The following TC2N variants were observed in gnomAD, a reference collection of about 807,000 sequenced individuals.
TC2N encodes tandem C2 domains nuclear protein.
Under a neutral mutation model 61.9 loss-of-function variants are expected in TC2N, and 51 were observed. The observed-to-expected ratio is 0.82, with a 90% CI of 0.66 to 1.04. TC2N has a LOEUF of 1.04. Ranked by LOEUF, TC2N falls within the 50% of genes least tolerant of loss-of-function variation. The probability of loss-of-function intolerance (pLI) is 0.00; values close to 1 mark genes in which losing one functional copy is unlikely to be tolerated. For synonymous variants in TC2N, 204 were observed against 192.6 expected, an observed-to-expected ratio of 1.06 and a Z score of -0.49; for missense variants, 556 against 566.7, an observed-to-expected ratio of 0.98 and a Z score of 0.19.
chr14:91,797,324 T>C lies in TC2N; in HGVS notation c.855+461A>G, dbSNP rs78435768. Among the ~76,000 whole-genome samples, 739 of 152,092 alleles carry C rather than the reference T, an allele frequency of 4.9e-3. 26 individuals carry two copies. The South Asian group carries it at 0.079, about 16-fold the overall frequency. On this transcript the variant is annotated intron_variant, in intron 8 of 11. Transcript: ENST00000435962. ...AGAAAAACAATAATCTTTTAACCTA[T>C]AAAAAGTGACAGAAATGAAGATGTA...
At position 91,830,167 on chromosome 14, in the gene TC2N, T is replaced by C. The variant is rs117546289; in HGVS notation, c.-56-16342A>G. 9.1e-3 allele frequency among the ~76,000 whole-genome samples: 1,387 copies of C among 152,296 alleles called. 9 individuals are homozygous for C. Among genetic ancestry groups the C allele is most frequent in the Non-Finnish European group, 0.015 (1,020 of 68,010 alleles). On this transcript the variant is annotated intron_variant, in intron 1 of 11. Coordinates refer to ENST00000435962, the MANE Select transcript of TC2N (RefSeq NM_001128596.3). ...TCAAACACTTCACACAGAGCTACCA[T>C]ATGACCCAGGAATTCTAATCCTAAG...
chr14:91,865,380 T>G (rs930109231), intron 1 of TC2N, among the ~76,000 whole-genome samples: 2 of 146,522 alleles, frequency 1.4e-5, no homozygotes, highest in East Asian at 2.0e-4. Flanking sequence ...TTTTTTTTTT[T>G]TTTTTTTTTT....
At chr14:91,838,735 TTCTTCCCTAGTCCA>T (rs1368703170) in intron 1 of TC2N, among the ~76,000 whole-genome samples, 1 of 152,238 alleles carries the variant, frequency 6.6e-6, no homozygotes, top group Non-Finnish European at 1.5e-5. Context: ...GTTCCTAGTT[TTCTTCCCTAGTCCA>T]TCTTAAAACA....
intron 3 of TC2N, among the ~76,000 whole-genome samples, chr14:91,803,366 T>C (rs1886350035): frequency 7.1e-6 from 1 of 140,316 alleles, no homozygotes; most frequent in Non-Finnish European, 1.5e-5. Context: ...GCATTAATCA[T>C]ATACATACAT....
At position 91,802,333 on chromosome 14, in the gene TC2N, G is replaced by C; in HGVS notation, c.390C>G (p.Phe130Leu). Residue 130 changes from phenylalanine (F) to leucine (L), a missense_variant, in exon 4 of 12, where the codon TTC becomes TTG. Physicochemically the swap from Phe to Leu is conservative, Grantham distance 22 (BLOSUM62 0). Transcript: ENST00000435962. ...HGPSYDVYNP[F>L]YMYQHISPDL... ...CAGGTGAAATGTGCTGATACATATAGAATGGGTTATACACATCATAGCTAG... is the reference window on the plus strand; with the variant it reads ...CAGGTGAAATGTGCTGATACATATACAATGGGTTATACACATCATAGCTAG... 1.9e-6 allele frequency: 3 copies of C among 1,610,828 alleles called. No homozygotes were observed. Among genetic ancestry groups the C allele is most frequent in the Non-Finnish European group, 2.5e-6 (3 of 1,178,982 alleles).
At chr14:91,829,674 T>G (rs759234372) in intron 1 of TC2N, among the ~76,000 whole-genome samples, 1 of 152,146 alleles carries the variant, frequency 6.6e-6, no homozygotes, top group Non-Finnish European at 1.5e-5. Flanking sequence ...TTTTGTAGGT[T>G]TATTTCGAGG....
chr14:91,791,928 A>G (rs1217135705), intron 9 of TC2N, among the ~76,000 whole-genome samples: 2 of 152,114 alleles, frequency 1.3e-5, no homozygotes, highest in Non-Finnish European at 2.9e-5. Flanking sequence ...CATCCTGGCT[A>G]ACACAGTGAA....
At chr14:91,852,442 T>A (rs1318642710) in intron 1 of TC2N, among the ~76,000 whole-genome samples, 8 of 151,324 alleles carry the variant, frequency 5.3e-5, no homozygotes, top group African/African-American at 1.9e-4. Flanking sequence ...AAAAAAAAAA[T>A]GCTCTGCCTC....
rs572868766 is a variant in TC2N, at chr14:91,847,947, A to G, written c.-57+19315T>C. On this transcript the variant is annotated intron_variant, in intron 1 of 11. Transcript: ENST00000435962. ...ATTATGTAAGTTTCATCCTAAATCTAGTTCCATTTGTGGTTGTAGAATGGC... is the reference window on the plus strand; with the variant it reads ...ATTATGTAAGTTTCATCCTAAATCTGGTTCCATTTGTGGTTGTAGAATGGC... Among the ~76,000 whole-genome samples the G allele has an allele frequency of 4.6e-5, 7 of 152,306 alleles. No individual in the cohort carries two copies. The East Asian group carries it at 1.4e-3, about 29-fold the overall frequency.
chr14:91,799,880 A>G (rs1418959572), intron 5 of TC2N, among the ~76,000 whole-genome samples: 2 of 152,134 alleles, frequency 1.3e-5, no homozygotes, highest in Admixed American at 6.5e-5. Context: ...ATTCCTTTTC[A>G]AAACCAGGAG....
intron 1 of TC2N, among the ~76,000 whole-genome samples, chr14:91,856,117 A>T (rs1888477421): frequency 6.6e-6 from 1 of 152,202 alleles, no homozygotes; most frequent in Non-Finnish European, 1.5e-5. Context: ...AAGAGAGACA[A>T]GGAAACGAAA....
chr14:91,785,632 C>T (rs1009869928), intron 10 of TC2N, among the ~76,000 whole-genome samples: 2 of 152,002 alleles, frequency 1.3e-5, no homozygotes, highest in Non-Finnish European at 2.9e-5. Context: ...GAGGCATAAA[C>T]AACAATCACA....
intron 9 of TC2N, among the ~76,000 whole-genome samples, chr14:91,791,044 G>T (rs1885616368): frequency 6.6e-6 from 1 of 151,736 alleles, no homozygotes; most frequent in Non-Finnish European, 1.5e-5. Context: ...GACATGGGAG[G>T]ATTGCTTGGT....
intron 1 of TC2N, among the ~76,000 whole-genome samples, chr14:91,858,154 T>TCTTTC (rs1555373189): frequency 7.2e-6 from 1 of 139,162 alleles, no homozygotes; most frequent in Admixed American, 7.3e-5. Context: ...TTCTTCTTCT[T>TCTTTC]TTTTTTTTTT....
intron 1 of TC2N, among the ~76,000 whole-genome samples, chr14:91,831,524 C>T (rs1325416125): frequency 6.6e-6 from 1 of 152,136 alleles, no homozygotes; most frequent in Non-Finnish European, 1.5e-5. Flanking sequence ...TGGTAAGATA[C>T]ATAAACAGAT....
chr14:91,806,046 G>A (rs1304758923), intron 3 of TC2N, among the ~76,000 whole-genome samples: 2 of 152,140 alleles, frequency 1.3e-5, no homozygotes, highest in Non-Finnish European at 2.9e-5. Context: ...TAGTGAATAA[G>A]TCTCAAGAGA....
intron 8 of TC2N, among the ~76,000 whole-genome samples, chr14:91,794,876 T>C (rs76564978): frequency 0.026 from 3,962 of 152,268 alleles, 181 homozygotes; most frequent in African/African-American, 0.091. Flanking sequence ...TAGTGATTCC[T>C]CTGATGGACC....
intron 3 of TC2N, among the ~76,000 whole-genome samples, chr14:91,805,152 T>C (rs1343766366): frequency 2.0e-5 from 3 of 152,174 alleles, no homozygotes; most frequent in African/African-American, 7.2e-5. Context: ...AAAAAGTTCC[T>C]ATGGTCTAGT....
intron 3 of TC2N, among the ~76,000 whole-genome samples, chr14:91,807,392 C>A (rs1193473701): frequency 6.6e-6 from 1 of 152,208 alleles, no homozygotes; most frequent in Non-Finnish European, 1.5e-5. Context: ...CCCGTGAAAG[C>A]AGCTAGGAGG....
Sources: gnomAD v4.1 joint callset for allele counts (sites outside exome capture counted in the v4.1 genomes callset) on GRCh38, gnomAD v4.1.1 for gene constraint, MANE v1.5 for transcripts, NCBI Gene and HGNC (gene_info 2026-07-23, HGNC 2026-07-21) for gene names.